The following NECTIN3 variants were observed in gnomAD, a reference collection of about 807,000 sequenced individuals.
NECTIN3 encodes nectin-3.
In NECTIN3, 8 loss-of-function variants were observed where a neutral mutation model predicts 49.4. That is an observed-to-expected ratio of 0.16 (90% confidence interval 0.10 to 0.29). The LOEUF is 0.29. Among genes scored for constraint, NECTIN3 ranks in the 10% least tolerant of loss-of-function variants. NECTIN3 has a pLI of 1.00. For synonymous variants in NECTIN3, 277 were observed against 241.1 expected (o/e 1.15, Z -1.38); for missense variants, 581 against 654.6 (o/e 0.89, Z 1.23).
intron 1 of NECTIN3, among the ~76,000 whole-genome samples, chr3:111,107,368 T>G (rs2033229422): frequency 1.3e-5 from 2 of 152,086 alleles, no homozygotes; most frequent in African/African-American, 2.4e-5. Flanking sequence ...AATAATAAAT[T>G]CAATTTAATT....
chr3:111,187,234 C>CA (rs1165237766), intron 7 of NECTIN3, among the ~76,000 whole-genome samples: 1 of 152,032 alleles, frequency 6.6e-6, no homozygotes, highest in Non-Finnish European at 1.5e-5. Context: ...CCTGTCTCTA[C>CA]AAAAAATAAA....
In NECTIN3 at chr3:111,137,373, A is replaced by T; in HGVS notation, c.*3158A>T. ...ACAGCTCCTTTCTCAAATTTTTTGT[A>T]TATTGTGTTTGTGTTTGGGTTTTAG... On this transcript the variant is annotated 3_prime_UTR_variant, in exon 6 of 6. Coordinates refer to ENST00000485303, the MANE Select transcript of NECTIN3 (RefSeq NM_015480.3). 22 of 964,050 alleles carry T rather than the reference A, an allele frequency of 2.3e-5. No individual in the cohort carries two copies. Among genetic ancestry groups the T allele is most frequent in the Non-Finnish European group, 2.7e-5 (22 of 811,052 alleles). The allele number at this position is 964,050 out of a possible 1,614,324, so 59.7% of individuals were successfully genotyped here. A position where few individuals can be genotyped will look rare whatever the true frequency, so the allele number is the denominator to read the frequency against.
intron 1 of NECTIN3, among the ~76,000 whole-genome samples, chr3:111,100,790 A>AGTGG (rs2032863989): frequency 6.6e-6 from 1 of 152,048 alleles, no homozygotes; most frequent in African/African-American, 2.4e-5. Flanking sequence ...CACAGGTTGA[A>AGTGG]GTGGGAATGG....
chr3:111,123,429 T>G (rs1351049), intron 4 of NECTIN3, among the ~76,000 whole-genome samples: 2 of 151,980 alleles, frequency 1.3e-5, no homozygotes, highest in South Asian at 2.1e-4. Context: ...AGTGGATGCT[T>G]TCTCTGCAGT....
At chr3:111,191,599 G>A (rs913476935), upstream of NECTIN3, among the ~76,000 whole-genome samples, 2 of 151,810 alleles carry the variant, frequency 1.3e-5, no homozygotes, top group Admixed American at 6.6e-5. Context: ...TGTGTGGGGG[G>A]AGGGTGGGGA....
intron 4 of NECTIN3, among the ~76,000 whole-genome samples, chr3:111,125,699 C>T (rs1452852051): frequency 6.6e-6 from 1 of 152,150 alleles, no homozygotes; most frequent in Non-Finnish European, 1.5e-5. Context: ...TGTCTATTTG[C>T]ATTAGCATTA....
At chr3:111,143,102 A>G (rs1000538401) in intron 5 of NECTIN3, among the ~76,000 whole-genome samples, 2 of 151,874 alleles carry the variant, frequency 1.3e-5, no homozygotes, top group African/African-American at 4.8e-5. Flanking sequence ...TCAAAGTTAT[A>G]ATCTATATGG....
At chr3:111,177,526 C>T (rs997498229) in intron 7 of NECTIN3, among the ~76,000 whole-genome samples, 2 of 152,234 alleles carry the variant, frequency 1.3e-5, no homozygotes, top group Middle Eastern at 3.4e-3. Flanking sequence ...TTTTAAGATA[C>T]TGTGTAGTAT....
chr3:111,121,274 A>G (rs1324168894), intron 3 of NECTIN3, among the ~76,000 whole-genome samples: 3 of 151,686 alleles, frequency 2.0e-5, no homozygotes, highest in Non-Finnish European at 1.5e-5. Flanking sequence ...CAGCTTCCCA[A>G]AGTGCTGGGA....
chr3:111,125,477 C>A (rs2034127814), intron 4 of NECTIN3, among the ~76,000 whole-genome samples: 1 of 152,042 alleles, frequency 6.6e-6, no homozygotes, highest in African/African-American at 2.4e-5. Flanking sequence ...CTTTAGAATT[C>A]TCATAGTGGG....
intron 4 of NECTIN3, among the ~76,000 whole-genome samples, chr3:111,122,877 C>T (rs570655103): frequency 6.6e-6 from 1 of 152,134 alleles, no homozygotes; most frequent in African/African-American, 2.4e-5. Context: ...CCAGATGTAT[C>T]TATCAACTTG....
intron 7 of NECTIN3, among the ~76,000 whole-genome samples, chr3:111,148,136 G>A (rs111904253): frequency 0.011 from 1,607 of 152,248 alleles, 26 homozygotes; most frequent in African/African-American, 0.037. Context: ...AGCTGTACTG[G>A]GGTTGTATAA....
chr3:111,131,170 G>A lies in NECTIN3; in HGVS notation c.1070-2465G>A, dbSNP rs187807802. Among the ~76,000 whole-genome samples the A allele has an allele frequency of 4.0e-5, 6 of 151,894 alleles. No individual in the cohort carries two copies. The East Asian group carries it at 1.2e-3, about 29-fold the overall frequency. The stretch of plus-strand genomic sequence containing the variant: ...TAGAAGACTAAAATATGCCTTTTAC[G>A]GGGCATTACATGACTATTTTATGGT... On this transcript the variant is annotated intron_variant, in intron 5 of 5. Transcript: ENST00000485303.
intron 1 of NECTIN3, among the ~76,000 whole-genome samples, chr3:111,093,057 G>A (rs1335384079): frequency 1.3e-5 from 2 of 152,104 alleles, no homozygotes; most frequent in Non-Finnish European, 2.9e-5. Flanking sequence ...GGTATTGTCA[G>A]TGGCACTGCT....
At chr3:111,160,939 A>G (rs574719132) in intron 7 of NECTIN3, among the ~76,000 whole-genome samples, 4 of 152,292 alleles carry the variant, frequency 2.6e-5, no homozygotes, top group East Asian at 1.9e-4. Context: ...CCCAGGAGGC[A>G]GAGCTTGCAG....
intron 1 of NECTIN3, among the ~76,000 whole-genome samples, chr3:111,081,049 G>A (rs2031570927): frequency 6.6e-6 from 1 of 152,176 alleles, no homozygotes. Flanking sequence ...GCTAAGGCAG[G>A]AGGATTGTTT....
intron 7 of NECTIN3, among the ~76,000 whole-genome samples, chr3:111,187,005 ATTAC>A (rs948627197): frequency 6.6e-6 from 1 of 152,186 alleles, no homozygotes; most frequent in African/African-American, 2.4e-5. Flanking sequence ...TATTTTGTTA[ATTAC>A]TTTTTTAAAG....
intron 1 of NECTIN3, among the ~76,000 whole-genome samples, chr3:111,096,617 G>A (rs1415912666): frequency 6.6e-6 from 1 of 152,136 alleles, no homozygotes. Flanking sequence ...CTGGGCCCAG[G>A]GTCCCTCTGC....
chr3:111,178,953 A>C (rs2035580298), intron 7 of NECTIN3, among the ~76,000 whole-genome samples: 1 of 152,232 alleles, frequency 6.6e-6, no homozygotes, highest in Non-Finnish European at 1.5e-5. Context: ...TAAGACTATG[A>C]GTATAACCAA....
Sources: gnomAD v4.1 joint callset for allele counts (sites outside exome capture counted in the v4.1 genomes callset) on GRCh38, gnomAD v4.1.1 for gene constraint, MANE v1.5 for transcripts, NCBI Gene and HGNC (gene_info 2026-07-23, HGNC 2026-07-21) for gene names.